The following TLN2 variants were observed in gnomAD, a reference collection of about 807,000 sequenced individuals.
The protein encoded by TLN2 is talin-2.
Under a neutral mutation model 294.7 loss-of-function variants are expected in TLN2, and 118 were observed. That is an observed-to-expected ratio of 0.40 (90% CI 0.34 to 0.47). TLN2 has a LOEUF of 0.47. Among genes scored for constraint, TLN2 ranks in the 20% least tolerant of loss-of-function variants. The pLI is 0.84. For synonymous variants in TLN2, 1,431 were observed against 1,304.5 expected (o/e 1.10, Z -2.09); for missense variants, 3,083 against 3,282.2 (o/e 0.94, Z 1.48).
intron 1 of TLN2, among the ~76,000 whole-genome samples, chr15:62,551,549 A>AC (rs1411777070): frequency 1.5e-5 from 2 of 130,864 alleles, no homozygotes; most frequent in South Asian, 4.8e-4. Context: ...CACACACACA[A>AC]ATAGCCAGAT....
chr15:62,666,453 A>AC (rs2054655350), intron 9 of TLN2, among the ~76,000 whole-genome samples: 1 of 152,042 alleles, frequency 6.6e-6, no homozygotes, highest in African/African-American at 2.4e-5. Flanking sequence ...TGCCACCCAT[A>AC]CCAGACAGCT....
intron 30 of TLN2, among the ~76,000 whole-genome samples, chr15:62,738,826 T>A (rs2061167095): frequency 6.6e-6 from 1 of 152,236 alleles, no homozygotes; most frequent in African/African-American, 2.4e-5. Context: ...AGAGTCTAGC[T>A]TAACTCCCTA....
At chr15:62,643,892 G>A (rs1369528820) in intron 3 of TLN2, among the ~76,000 whole-genome samples, 2 of 152,166 alleles carry the variant, frequency 1.3e-5, no homozygotes, top group Non-Finnish European at 2.9e-5. Context: ...GTGAGGAAGG[G>A]CACTTAGCTG....
chr15:62,797,843 G>A (rs918550739), intron 48 of TLN2, among the ~76,000 whole-genome samples: 15 of 152,194 alleles, frequency 9.9e-5, no homozygotes, highest in African/African-American at 2.7e-4. Flanking sequence ...GCCCAGGCAC[G>A]GGGCTGTGGG....
At chr15:62,466,304 C>T (rs1213607940) in intron 1 of TLN2, among the ~76,000 whole-genome samples, 1 of 152,224 alleles carries the variant, frequency 6.6e-6, no homozygotes, top group Non-Finnish European at 1.5e-5. Flanking sequence ...GGACTCGTGA[C>T]TTTGTTCTAG....
intron 1 of TLN2, among the ~76,000 whole-genome samples, chr15:62,476,681 G>A (rs1459821874): frequency 6.6e-6 from 1 of 152,168 alleles, no homozygotes; most frequent in Non-Finnish European, 1.5e-5. Context: ...TCTCTTCTTT[G>A]GCAGTTAGGG....
intron 1 of TLN2, among the ~76,000 whole-genome samples, chr15:62,493,988 A>T (rs919029645): frequency 3.3e-5 from 5 of 151,898 alleles, no homozygotes; most frequent in Admixed American, 6.6e-5. Context: ...TTTTTTTTAG[A>T]TCTGTCAAAA....
At chr15:62,679,199 T>G (rs74683845) in intron 11 of TLN2, among the ~76,000 whole-genome samples, 3,690 of 152,306 alleles carry the variant, frequency 0.024, 59 homozygotes, top group Non-Finnish European at 0.036. Context: ...ACTGTCACTT[T>G]GGAAAACAGT....
At chr15:62,599,741 G>A (rs1218440437) in intron 2 of TLN2, among the ~76,000 whole-genome samples, 1 of 152,132 alleles carries the variant, frequency 6.6e-6, no homozygotes, top group Admixed American at 6.5e-5. Flanking sequence ...CACCCAGGTG[G>A]TCCGGATGCT....
At chr15:62,438,010 G>A (rs1010636438) in intron 1 of TLN2, among the ~76,000 whole-genome samples, 1 of 152,176 alleles carries the variant, frequency 6.6e-6, no homozygotes, top group Non-Finnish European at 1.5e-5. Context: ...GGCAGCAGAT[G>A]CACCCTGGTC....
intron 3 of TLN2, 61 bp from the exon 4 acceptor site, chr15:62,647,214 T>C (rs1471377576): frequency 2.0e-6 from 3 of 1,476,924 alleles, no homozygotes; most frequent in Non-Finnish European, 2.7e-6. Flanking sequence ...TTTTTTGTTT[T>C]TTTTTCCCCA....
chr15:62,513,746 A>G (rs1187547010), intron 1 of TLN2, among the ~76,000 whole-genome samples: 1 of 152,158 alleles, frequency 6.6e-6, no homozygotes, highest in Non-Finnish European at 1.5e-5. Context: ...CTAGGTTTCA[A>G]TCCAGATAGG....
At chr15:62,530,945 C>G (rs961374113) in intron 1 of TLN2, among the ~76,000 whole-genome samples, 1 of 151,998 alleles carries the variant, frequency 6.6e-6, no homozygotes, top group African/African-American at 2.4e-5. Flanking sequence ...GTCTATTATT[C>G]ATTTGTTAGA....
intron 24 of TLN2, 79 bp from the exon 25 acceptor site, chr15:62,719,688 G>A (rs907519161): frequency 1.0e-5 from 12 of 1,192,664 alleles, no homozygotes; most frequent in East Asian, 5.3e-5. Context: ...TCCAAAAAGC[G>A]CACTTGGGTC....
At chr15:62,777,930 T>G (rs1400239531) in intron 43 of TLN2, among the ~76,000 whole-genome samples, 1 of 152,190 alleles carries the variant, frequency 6.6e-6, no homozygotes, top group Non-Finnish European at 1.5e-5. Flanking sequence ...AAAGAATGCT[T>G]GTTCATCAGC....
At chr15:62,572,170 T>C (rs2043928284) in intron 1 of TLN2, among the ~76,000 whole-genome samples, 1 of 152,170 alleles carries the variant, frequency 6.6e-6, no homozygotes, top group Admixed American at 6.5e-5. Context: ...CTGGTGGGTG[T>C]CCTGAATTGC....
chr15:62,536,355 T>A (rs1304439817), intron 1 of TLN2, among the ~76,000 whole-genome samples: 1 of 152,154 alleles, frequency 6.6e-6, no homozygotes, highest in Non-Finnish European at 1.5e-5. Flanking sequence ...AGGTCACAGG[T>A]CTTGTCAATT....
chr15:62,633,610 C>T (rs771916166), intron 3 of TLN2, among the ~76,000 whole-genome samples: 1 of 152,224 alleles, frequency 6.6e-6, no homozygotes, highest in Non-Finnish European at 1.5e-5. Context: ...CCTCTGTTTA[C>T]ATATTCACAC....
At chr15:62,606,151 A>G (rs7170472) in intron 2 of TLN2, among the ~76,000 whole-genome samples, 3,437 of 152,046 alleles carry the variant, frequency 0.023, 96 homozygotes, top group South Asian at 0.069. Context: ...GTGTAATCTC[A>G]GCTCACTGCA....
Sources: allele counts gnomAD v4.1 joint callset (sites outside exome capture counted in the v4.1 genomes callset), GRCh38; gene constraint gnomAD v4.1.1; transcripts MANE v1.5; gene names NCBI Gene and HGNC (gene_info 2026-07-23, HGNC 2026-07-21).